Variants in DNAH14 observed in about 807,000 individuals in gnomAD.
DNAH14 encodes the protein axonemal beta dynein heavy chain 14.
Under a neutral mutation model 520.9 loss-of-function variants are expected in DNAH14, and 478 were observed. That is an observed-to-expected ratio of 0.92 (90% CI 0.85 to 0.99). DNAH14 has a LOEUF of 0.99. Ranked by LOEUF, DNAH14 falls within the 50% of genes least tolerant of loss-of-function variation. The probability of loss-of-function intolerance (pLI) is 0.00; values close to 1 mark genes in which losing one functional copy is unlikely to be tolerated. For missense variants in DNAH14, 4,831 were observed against 5,234.5 expected (o/e 0.92, Z 2.38); for synonymous variants, 1,581 against 1,757.2 (o/e 0.90, Z 2.51).
intron 36 of DNAH14, among the ~76,000 whole-genome samples, chr1:225,183,761 A>G (rs554798717): frequency 3.3e-5 from 5 of 152,196 alleles, no homozygotes; most frequent in Admixed American, 3.3e-4. Context: ...CCCTACAGAA[A>G]TACAAAAGAT....
At chr1:224,941,608 C>T (rs746845954) in intron 1 of DNAH14, among the ~76,000 whole-genome samples, 1 of 152,144 alleles carries the variant, frequency 6.6e-6, no homozygotes, top group Non-Finnish European at 1.5e-5. Flanking sequence ...AATGGTATTG[C>T]CTAGGTTTTC....
chr1:225,290,682 TA>T (rs1184474704), intron 55 of DNAH14, among the ~76,000 whole-genome samples: 1 of 131,866 alleles, frequency 7.6e-6, no homozygotes, highest in Non-Finnish European at 1.6e-5. Context: ...TATATATATA[TA>T]TATATATATA....
intron 75 of DNAH14, among the ~76,000 whole-genome samples, chr1:225,361,099 AG>A (rs1348205274): frequency 2.0e-5 from 3 of 152,186 alleles, no homozygotes; most frequent in African/African-American, 7.2e-5. Context: ...TATCTTTTTA[AG>A]GCCTCTTCAG....
chr1:225,272,924 TAAAAAAAC>T, intron 51 of DNAH14, 23 bp from the exon 52 acceptor site: 1 of 1,489,188 alleles, frequency 6.7e-7, no homozygotes, highest in African/African-American at 1.5e-5. Flanking sequence ...TAATTTTTTT[TAAAAAAAC>T]GTTATTTTTA....
At chr1:225,304,472 C>A (rs966194928) in intron 57 of DNAH14, among the ~76,000 whole-genome samples, 3 of 152,096 alleles carry the variant, frequency 2.0e-5, no homozygotes, top group Non-Finnish European at 2.9e-5. Flanking sequence ...GCAGGAGGAT[C>A]TCTTGAGCCC....
In DNAH14 at chr1:225,023,272, TA is replaced by T. The variant is rs1572532930; in HGVS notation, c.1108-338del. Among the ~76,000 whole-genome samples, 3 of 150,330 alleles carry T rather than the reference TA, an allele frequency of 2.0e-5. No homozygotes were observed. The East Asian group carries it at 5.8e-4, about 29-fold the overall frequency. On this transcript the variant is annotated intron_variant, in intron 10 of 85. Transcript: ENST00000682510. ...GTAGAAGAAAAAACAAAGAAACAAA[TA>T]AAAACAAAACGAACAAGTAAAAACA...
chr1:225,247,822 C>G (rs922416935), intron 43 of DNAH14, among the ~76,000 whole-genome samples: 9 of 151,948 alleles, frequency 5.9e-5, no homozygotes, highest in Non-Finnish European at 1.5e-5. Context: ...GTCAGGAGAC[C>G]TCCTGGCTAA....
chr1:225,337,932 T>G, intron 67 of DNAH14, 129 bp from the exon 68 acceptor site: 1 of 853,144 alleles, frequency 1.2e-6, no homozygotes, highest in East Asian at 2.7e-5. Context: ...GTCACCCTGT[T>G]GTACTATGAA....
At chr1:225,045,916 A>C (rs1283952878) in intron 15 of DNAH14, among the ~76,000 whole-genome samples, 1 of 152,072 alleles carries the variant, frequency 6.6e-6, no homozygotes, top group East Asian at 1.9e-4. Flanking sequence ...AACATTTATC[A>C]GTGGATCTTA....
chr1:225,335,592 T>C (rs1414577927), intron 66 of DNAH14, among the ~76,000 whole-genome samples: 1 of 148,382 alleles, frequency 6.7e-6, no homozygotes, highest in African/African-American at 2.5e-5. Flanking sequence ...TGCATATATG[T>C]ATATACGCAT....
chr1:225,210,129 T>C (rs1215680153), intron 41 of DNAH14, among the ~76,000 whole-genome samples: 1 of 151,130 alleles, frequency 6.6e-6, no homozygotes, highest in Non-Finnish European at 1.5e-5. Flanking sequence ...CCCAGTGGGG[T>C]ACTTACTGGC....
chr1:225,379,130 C>T (rs2095746484), intron 79 of DNAH14, among the ~76,000 whole-genome samples: 1 of 152,126 alleles, frequency 6.6e-6, no homozygotes, highest in Non-Finnish European at 1.5e-5. Context: ...TGTCACCACC[C>T]GCGGAGTGTG....
intron 55 of DNAH14, among the ~76,000 whole-genome samples, chr1:225,299,981 T>A (rs2094107220): frequency 2.6e-5 from 4 of 152,202 alleles, no homozygotes; most frequent in Admixed American, 1.3e-4. Flanking sequence ...TAATGCTACC[T>A]ACTTTTTTAA....
intron 81 of DNAH14, among the ~76,000 whole-genome samples, chr1:225,382,229 T>C (rs1190573774): frequency 6.6e-6 from 1 of 151,958 alleles, no homozygotes; most frequent in Non-Finnish European, 1.5e-5. Flanking sequence ...CCTACTAAGA[T>C]GGAAAGAATT....
At chr1:225,163,395 T>C (rs1037189675) in intron 35 of DNAH14, among the ~76,000 whole-genome samples, 3 of 152,186 alleles carry the variant, frequency 2.0e-5, no homozygotes, top group Admixed American at 1.3e-4. Context: ...CAGTGCTATG[T>C]TGAATAACAG....
At chr1:225,389,047 C>T (rs556773583) in intron 82 of DNAH14, among the ~76,000 whole-genome samples, 3 of 152,288 alleles carry the variant, frequency 2.0e-5, no homozygotes, top group Admixed American at 6.5e-5. Context: ...CATGAGCCAC[C>T]GCGCCCAGCC....
At chr1:225,307,008 A>T (rs2094259384) in intron 58 of DNAH14, among the ~76,000 whole-genome samples, 2 of 152,134 alleles carry the variant, frequency 1.3e-5, no homozygotes, top group Non-Finnish European at 2.9e-5. Context: ...TCCCACCCCG[A>T]AACTTATAAT....
At chr1:225,145,987 C>T (rs913259952) in intron 30 of DNAH14, among the ~76,000 whole-genome samples, 1 of 152,122 alleles carries the variant, frequency 6.6e-6, no homozygotes, top group African/African-American at 2.4e-5. Flanking sequence ...AGCATATTAC[C>T]TCTGAGATCC....
chr1:225,071,432 C>T (rs895920473), intron 17 of DNAH14, among the ~76,000 whole-genome samples: 1 of 152,128 alleles, frequency 6.6e-6, no homozygotes, highest in Non-Finnish European at 1.5e-5. Flanking sequence ...TTCTCCTTCA[C>T]CTATGAAGCT....
Sources: gnomAD v4.1 joint callset for allele counts (sites outside exome capture counted in the v4.1 genomes callset) on GRCh38, gnomAD v4.1.1 for gene constraint, MANE v1.5 for transcripts, NCBI Gene and HGNC (gene_info 2026-07-23, HGNC 2026-07-21) for gene names.